Variants in SETX observed in about 807,000 individuals in gnomAD.
SETX encodes the protein helicase senataxin.
SETX carries 90 observed loss-of-function variants against 227.2 expected under a neutral mutation model. That is an observed-to-expected ratio of 0.40 (90% CI 0.33 to 0.47). SETX has a LOEUF of 0.47. SETX is among the 20% of genes least tolerant of loss of function. The pLI, the probability that SETX is intolerant of heterozygous loss-of-function variation, is 0.91. For missense variants in SETX, 3,052 were observed against 3,181.5 expected (o/e 0.96, Z 0.98); for synonymous variants, 1,210 against 1,113.2 (o/e 1.09, Z -1.73).
chr9:132,334,617 C>G lies in SETX; in HGVS notation c.829G>C (p.Glu277Gln), dbSNP rs1475919640. ...AAGTAAAGTTTATTACCATCTGCTT[C>G]CCTCTCCATAGTGTGAAGTATCGAT... ...MQSILHTMER[E>Q]ADDDSVDPFW... The change falls in exon 7 of 26, where the codon GAA becomes CAA. Residue 277 changes from glutamate (E) to glutamine (Q), a missense_variant. Around this residue, in one of 10 missense-constraint regions of SETX, gnomAD observed 239 missense variants for 240.8 expected, o/e 0.99. Coordinates refer to ENST00000224140, the MANE Select transcript of SETX (RefSeq NM_015046.7). The G allele has an allele frequency of 6.2e-7, 1 of 1,613,946 alleles. No individual in the cohort carries two copies.
At position 132,318,713 on chromosome 9, in the gene SETX, G is replaced by A. The variant is rs577600499; in HGVS notation, c.5275-6857C>T. Among the ~76,000 whole-genome samples, 12 of 152,174 alleles carry A rather than the reference G, an allele frequency of 7.9e-5. 1 individual carries two copies. In the South Asian group the frequency reaches 2.1e-3, roughly 26 times the overall value. On this transcript the variant is annotated intron_variant, in intron 10 of 25. Coordinates refer to ENST00000224140, the MANE Select transcript of SETX (RefSeq NM_015046.7). Reference sequence around the variant, plus strand: ...ATCCACTGTTAGTTATTCCTCACAGGAGCTGGGATACAATGCCACTCTAAT... The same window carrying A: ...ATCCACTGTTAGTTATTCCTCACAGAAGCTGGGATACAATGCCACTCTAAT...
intron 11 of SETX, among the ~76,000 whole-genome samples, chr9:132,309,745 T>C (rs1051617748): frequency 1.3e-5 from 2 of 151,394 alleles, no homozygotes; most frequent in Non-Finnish European, 2.9e-5. Context: ...AATCAATACA[T>C]GGGGTAGGTG....
At chr9:132,343,200 TC>T (rs1308346022) in intron 4 of SETX, among the ~76,000 whole-genome samples, 6 of 152,132 alleles carry the variant, frequency 3.9e-5, no homozygotes, top group Non-Finnish European at 1.5e-5. Flanking sequence ...GCACCTGTAG[TC>T]CCAGCTACTC....
chr9:132,311,837 T>C lies in SETX; in HGVS notation c.5294A>G (p.Asn1765Ser), dbSNP rs373085593. 3.5e-5 allele frequency: 57 copies of C among 1,613,112 alleles called. No homozygotes were observed. The African/African-American group carries it at 5.9e-4, about 17-fold the overall frequency. Residue 1765 changes from asparagine to serine, a missense_variant, in exon 11 of 26, where the codon AAC (asparagine) becomes AGC (serine). Coordinates refer to ENST00000224140, the MANE Select transcript of SETX (RefSeq NM_015046.7). Reference protein sequence around the residue: ...TFETVAQEWLNSPNRENFYQL... With the variant: ...TFETVAQEWLSSPNRENFYQL... ...ATAGAAATTCTCTCTATTTGGAGAGTTGAGCCATTCTTGTGCCACCTATAC... is the reference window on the plus strand; with the variant it reads ...ATAGAAATTCTCTCTATTTGGAGAGCTGAGCCATTCTTGTGCCACCTATAC...
At chr9:132,350,719 A>C (rs1269788691) in intron 2 of SETX, among the ~76,000 whole-genome samples, 1 of 152,168 alleles carries the variant, frequency 6.6e-6, no homozygotes, top group Non-Finnish European at 1.5e-5. Context: ...CATGGTTCTA[A>C]AAAGAATTTA....
In SETX at chr9:132,278,230, A is replaced by C. The variant is rs1843282923; in HGVS notation, c.6682T>G (p.Ser2228Ala). 6.2e-7 allele frequency: 1 copy of C among 1,614,066 alleles called. No individual in the cohort carries two copies. Among genetic ancestry groups the C allele is most frequent in the African/African-American group, 1.3e-5 (1 of 74,926 alleles). ...AGTCTGCAGAAGCGAGCCATCATTGACTGGTCGTAGCCATACTCCTGTGCT... is the reference window on the plus strand; with the variant it reads ...AGTCTGCAGAAGCGAGCCATCATTGCCTGGTCGTAGCCATACTCCTGTGCT... ...MKAQEYGYDQ[S>A]MMARFCRLLE... Residue 2228 changes from serine to alanine, a missense_variant, in exon 21 of 26, where the codon TCA (serine) becomes GCA (alanine). This residue lies in a region of SETX where 412 missense variants were observed against 589.0 expected (regional missense o/e 0.70). Coordinates refer to ENST00000224140, the MANE Select transcript of SETX (RefSeq NM_015046.7).
chr9:132,278,365 A>G, intron 20 of SETX, 108 bp from the exon 21 acceptor site: 1 of 1,016,990 alleles, frequency 9.8e-7, no homozygotes, highest in Non-Finnish European at 1.5e-6. Context: ...ACGTTCAGGT[A>G]GCATAAGATT....
intron 24 of SETX, among the ~76,000 whole-genome samples, 192 bp downstream of exon 24, chr9:132,271,518 T>C (rs556879320): frequency 7.3e-4 from 111 of 151,924 alleles, no homozygotes; most frequent in African/African-American, 2.5e-3. Flanking sequence ...TGGGCCAAGA[T>C]TGCACCAAGA....
At chr9:132,308,210 G>A (rs912145660) in intron 11 of SETX, among the ~76,000 whole-genome samples, 30 of 152,234 alleles carry the variant, frequency 2.0e-4, no homozygotes, top group Admixed American at 1.8e-3. Context: ...CAGATACCAC[G>A]TACCTGCTGC....
At chr9:132,319,908 C>A (rs1016832743) in intron 10 of SETX, among the ~76,000 whole-genome samples, 4 of 152,166 alleles carry the variant, frequency 2.6e-5, no homozygotes, top group Non-Finnish European at 5.9e-5. Context: ...CCTGTCCATG[C>A]AACCTACAAT....
chr9:132,345,566 G>C (rs888927298), intron 4 of SETX, among the ~76,000 whole-genome samples: 2 of 152,202 alleles, frequency 1.3e-5, no homozygotes, highest in Non-Finnish European at 2.9e-5. Flanking sequence ...GAGCCACCAT[G>C]CCCGGCGAGA....
At chr9:132,322,989 T>C (rs539824) in intron 10 of SETX, among the ~76,000 whole-genome samples, 1 of 151,718 alleles carries the variant, frequency 6.6e-6, no homozygotes, top group African/African-American at 2.4e-5. Context: ...CAAGAAAGGA[T>C]AACAAAAAGA....
chr9:132,319,063 C>T (rs1170306058), intron 10 of SETX, among the ~76,000 whole-genome samples: 4 of 152,214 alleles, frequency 2.6e-5, no homozygotes, highest in Non-Finnish European at 4.4e-5. Flanking sequence ...CATTTGACAT[C>T]AAGTAAACAG....
intron 4 of SETX, among the ~76,000 whole-genome samples, chr9:132,344,135 A>G (rs936823545): frequency 6.6e-6 from 1 of 152,114 alleles, no homozygotes; most frequent in African/African-American, 2.4e-5. Context: ...ACCCATAAAT[A>G]TGGTATTTTT....
At chr9:132,356,070 A>G (rs1226966624), upstream of SETX, among the ~76,000 whole-genome samples, 1 of 151,296 alleles carries the variant, frequency 6.6e-6, no homozygotes, top group East Asian at 1.9e-4. Flanking sequence ...ATATCCATTG[A>G]GACCGGGAGA....
At chr9:132,309,257 T>C (rs1006457880) in intron 11 of SETX, among the ~76,000 whole-genome samples, 1 of 152,118 alleles carries the variant, frequency 6.6e-6, no homozygotes, top group Non-Finnish European at 1.5e-5. Context: ...AGGCAAATGA[T>C]CTCAAGAAGA....
At chr9:132,333,266 C>T (rs1847359349) in intron 7 of SETX, among the ~76,000 whole-genome samples, 1 of 150,728 alleles carries the variant, frequency 6.6e-6, no homozygotes, top group Admixed American at 6.7e-5. Context: ...GTAATCCCAG[C>T]TACTTGGGAG....
chr9:132,297,168 T>G, intron 13 of SETX, 114 bp from the exon 14 acceptor site: 1 of 883,140 alleles, frequency 1.1e-6, no homozygotes, highest in South Asian at 1.5e-5. Context: ...ACAAAAGCTT[T>G]GGTTATGGTC....
chr9:132,264,115 T>C lies in SETX; in HGVS notation c.*124A>G. The C allele has an allele frequency of 7.2e-7, 1 of 1,398,508 alleles. No homozygotes were observed. The highest frequency in any genetic ancestry group is 1.2e-5 in the South Asian group (1 of 85,408). The allele number at this position is 1,398,508 out of a possible 1,614,324, so 86.6% of individuals were successfully genotyped here. On this transcript the variant is annotated 3_prime_UTR_variant, in exon 26 of 26. Transcript: ENST00000224140. The stretch of plus-strand genomic sequence containing the variant: ...AGAGGCTCAGGTGTTAAGGATGCAT[T>C]TTCCATGTTTTCCAACAGCACACAA...
Sources: allele counts gnomAD v4.1 joint callset (sites outside exome capture counted in the v4.1 genomes callset), GRCh38; gene constraint gnomAD v4.1.1; regional missense constraint gnomAD v4.1.1; transcripts MANE v1.5; gene names NCBI Gene and HGNC (gene_info 2026-07-23, HGNC 2026-07-21).